The following PLCH2 variants were observed in gnomAD, a reference collection of about 807,000 sequenced individuals.
PLCH2 encodes phospholipase C eta 2, also known as 1-phosphatidylinositol 4,5-bisphosphate phosphodiesterase eta-2.
In PLCH2, 98 loss-of-function variants were observed where a neutral mutation model predicts 134.7. That is an observed-to-expected ratio of 0.73 (90% CI 0.62 to 0.86). The LOEUF (loss-of-function observed/expected upper bound fraction) is 0.86. Among genes scored for constraint, PLCH2 ranks in the 40% least tolerant of loss-of-function variants. The pLI, the probability that PLCH2 is intolerant of heterozygous loss-of-function variation, is 0.00. For synonymous variants in PLCH2, 974 were observed against 827.5 expected (o/e 1.18, Z -3.04); for missense variants, 1,994 against 1,986.6 (o/e 1.00, Z -0.07).
intron 20 of PLCH2, chr1:2,500,583 G>A (rs1281298561): frequency 6.6e-6 from 1 of 152,292 alleles, no homozygotes; most frequent in African/African-American, 2.4e-5. Flanking sequence ...GCGCGGGACA[G>A]TGCGGCCCGC....
upstream of PLCH2, among the ~76,000 whole-genome samples, chr1:2,473,970 T>A (rs1040417336): frequency 1.3e-5 from 2 of 152,010 alleles, no homozygotes; most frequent in African/African-American, 4.8e-5. Context: ...GGCCTGGGGG[T>A]GGGTGTGGAC....
upstream of PLCH2, among the ~76,000 whole-genome samples, chr1:2,475,013 A>G (rs1276484712): frequency 7.2e-5 from 11 of 152,158 alleles, no homozygotes; most frequent in East Asian, 2.1e-3. Context: ...GAGCCCAGAA[A>G]CGCCTGCTGA....
chr1:2,502,210 C>A lies in PLCH2; in HGVS notation c.2760C>A (p.Ser920=). The A allele has an allele frequency of 6.5e-7, 1 of 1,539,902 alleles. No homozygotes were observed. ...HAAGRPPARP[S]VSQRILRRTA... is the part of the protein sequence containing the mutation. Reference sequence around the variant, plus strand: ...CTGGGCGGCCCCCGGCCCGGCCCTCCGTTAGCCAGCGGATCCTGCGGCGCA... The same window carrying A: ...CTGGGCGGCCCCCGGCCCGGCCCTCAGTTAGCCAGCGGATCCTGCGGCGCA... Residue 920 remains serine, a synonymous_variant, in exon 21 of 22, where the codon TCC becomes TCA. Transcript: ENST00000378486.
At chr1:2,495,845 C>T (rs548264279) in intron 13 of PLCH2, among the ~76,000 whole-genome samples, 3 of 152,142 alleles carry the variant, frequency 2.0e-5, no homozygotes, top group South Asian at 4.1e-4. Flanking sequence ...CGGTCCTCAC[C>T]GCCTCCTCTT....
intron 2 of PLCH2, among the ~76,000 whole-genome samples, chr1:2,432,877 G>A (rs796708925): frequency 5.9e-5 from 9 of 152,298 alleles, no homozygotes; most frequent in South Asian, 4.1e-4. Context: ...GGTCTTTCCC[G>A]TCCGTCAGGT....
chr1:2,484,950 G>A (rs1290328482), intron 5 of PLCH2, among the ~76,000 whole-genome samples: 1 of 152,098 alleles, frequency 6.6e-6, no homozygotes, highest in Admixed American at 6.5e-5. Context: ...AACACCCTGC[G>A]CCTCCCACAG....
At chr1:2,472,345 C>T (rs1223116235), upstream of PLCH2, among the ~76,000 whole-genome samples, 1 of 152,230 alleles carries the variant, frequency 6.6e-6, no homozygotes. Flanking sequence ...GCCACTTCCT[C>T]CTCCCTCCCG....
intron 16 of PLCH2, 130 bp downstream of exon 16, chr1:2,497,739 A>G: frequency 4.5e-6 from 2 of 447,622 alleles, no homozygotes; most frequent in Non-Finnish European, 8.3e-6. Context: ...AGTCCCCTGG[A>G]GGGTCAGGTT....
At chr1:2,487,421 G>A (rs1365354091) in intron 7 of PLCH2, 45 bp downstream of exon 7, 7 of 1,554,122 alleles carry the variant, frequency 4.5e-6, no homozygotes, top group Non-Finnish European at 5.3e-6. Flanking sequence ...GGCATCTGCT[G>A]TGGGAGATGG....
Position 2,439,954 on chromosome 1 carries a change from G to T in PLCH2, c.115+9325G>T, listed in dbSNP as rs997916093. Reference sequence around the variant, plus strand: ...TGTCCGGGACACTGCGGGGGACAAGGCAACCAGGGAGGCTTCCCAGAGGAG... The same window carrying T: ...TGTCCGGGACACTGCGGGGGACAAGTCAACCAGGGAGGCTTCCCAGAGGAG... On this transcript the variant is annotated intron_variant, in intron 2 of 3. Coordinates refer to the PLCH2 transcript ENST00000609981. The surrounding 1 kb of genome is among the most constrained non-coding windows in gnomAD (Gnocchi z 4.7). Among the ~76,000 whole-genome samples, 4 of 152,128 alleles carry T rather than the reference G, an allele frequency of 2.6e-5. No individual in the cohort carries two copies. Among genetic ancestry groups the T allele is most frequent in the African/African-American group, 9.7e-5 (4 of 41,438 alleles).
At chr1:2,425,358 C>G (rs537437798), upstream of PLCH2, among the ~76,000 whole-genome samples, 3 of 152,264 alleles carry the variant, frequency 2.0e-5, no homozygotes, top group African/African-American at 7.2e-5. Context: ...TTTTCTGTAT[C>G]CACTCATCCA....
chr1:2,495,348 C>G (rs1288364563), intron 12 of PLCH2, 140 bp from the exon 13 acceptor site: 1 of 682,786 alleles, frequency 1.5e-6, no homozygotes, highest in Non-Finnish European at 2.5e-6. Context: ...TTTGGCAGGC[C>G]CAGCCAGGCG....
rs557921126 is a variant in PLCH2, at chr1:2,476,977, G to A, written c.124+265G>A. 2.2e-4 allele frequency among the ~76,000 whole-genome samples: 34 copies of A among 152,298 alleles called. No homozygotes were observed. The South Asian group carries it at 6.6e-3, about 30-fold the overall frequency. On this transcript the variant is annotated intron_variant, in intron 1 of 21. Transcript: ENST00000378486. ...GGGGGCTGAACCCAAGGGGGCGAGG[G>A]GGGATCTCAGGTGGCTCCAATGCTC... is the stretch of plus-strand genomic sequence containing the variant.
intron 2 of PLCH2, among the ~76,000 whole-genome samples, chr1:2,453,756 C>A (rs375600924): frequency 1.3e-5 from 2 of 152,332 alleles, no homozygotes; most frequent in South Asian, 4.1e-4. Context: ...CCCCTGGACA[C>A]CCTCTCCTGA....
At chr1:2,474,173 T>TG (rs1208174105), upstream of PLCH2, among the ~76,000 whole-genome samples, 1 of 151,878 alleles carries the variant, frequency 6.6e-6, no homozygotes, top group Non-Finnish European at 1.5e-5. Context: ...CGTGACCTTG[T>TG]GTGGGGGCTG....
chr1:2,435,678 C>T (rs1338936993), intron 2 of PLCH2, among the ~76,000 whole-genome samples: 1 of 152,058 alleles, frequency 6.6e-6, no homozygotes, highest in African/African-American at 2.4e-5. Context: ...TTGTGATCTC[C>T]AGGAGGGGAG....
the PLCH2 span, among the ~76,000 whole-genome samples, chr1:2,417,081 G>A: frequency 6.6e-6 from 1 of 152,230 alleles, no homozygotes; most frequent in African/African-American, 2.4e-5. Flanking sequence ...CCTGGTCCAA[G>A]GCAGGCACAA....
chr1:2,478,627 G>C lies in PLCH2; in HGVS notation c.271+5G>C. 6.2e-7 allele frequency: 1 copy of C among 1,605,876 alleles called. No homozygotes were observed. Among genetic ancestry groups the C allele is most frequent in the Non-Finnish European group, 8.5e-7 (1 of 1,176,872 alleles). ...GCAAGAACGAGAAGGCCAAGAGTGA[G>C]TGGGAGCCCTGGGGTGGGGACAAAT... On this transcript the variant is annotated splice_donor_5th_base_variant and intron_variant, in intron 2 of 21. Coordinates refer to ENST00000378486, the MANE Select transcript of PLCH2 (RefSeq NM_014638.4).
chr1:2,468,638 G>A (rs753674393), intron 1 of PLCH2, among the ~76,000 whole-genome samples: 19 of 152,264 alleles, frequency 1.2e-4, no homozygotes, highest in Admixed American at 2.0e-4. Context: ...CAGACACCAG[G>A]AGGAACTCCT....
Sources: allele counts gnomAD v4.1 joint callset (sites outside exome capture counted in the v4.1 genomes callset), GRCh38; gene constraint gnomAD v4.1.1; non-coding constraint Gnocchi (gnomAD v3.1); transcripts MANE v1.5; gene names NCBI Gene and HGNC (gene_info 2026-07-23, HGNC 2026-07-21).